ROBO3: variants seen among roughly 807,000 people sequenced by gnomAD.
The protein encoded by ROBO3 is roundabout homolog 3.
ROBO3 carries 97 observed loss-of-function variants against 160.5 expected under a neutral mutation model. The observed-to-expected ratio is 0.60, with a 90% CI of 0.51 to 0.72. ROBO3 has a LOEUF of 0.72. Ranked by LOEUF, ROBO3 falls within the 30% of genes least tolerant of loss-of-function variation. The pLI is 0.00. For missense variants in ROBO3, 1,858 were observed against 1,846.5 expected, an observed-to-expected ratio of 1.01 and a Z score of -0.11; for synonymous variants, 780 against 746.2, an observed-to-expected ratio of 1.05 and a Z score of -0.74.
At position 124,879,786 on chromosome 11, in the gene ROBO3, G is replaced by C. The variant is rs11219825; in HGVS notation, c.3797-1G>C. The C allele has an allele frequency of 1.9e-6, 3 of 1,613,624 alleles. No homozygotes were observed. Among genetic ancestry groups the C allele is most frequent in the East Asian group, 4.5e-5 (2 of 44,878 alleles). On this transcript the variant is annotated splice_acceptor_variant, in intron 25 of 27. Transcript: ENST00000397801. LOFTEE classifies it high-confidence loss of function. Reference sequence around the variant, plus strand: ...TCCGCTGAAAACAGCTCCCTCCCCAGACTTGCCCCCACCACCCTTGCCACC... The same window carrying C: ...TCCGCTGAAAACAGCTCCCTCCCCACACTTGCCCCCACCACCCTTGCCACC...
At position 124,878,165 on chromosome 11, in the gene ROBO3, C is replaced by T. The variant is rs1372873959; in HGVS notation, c.3181+34C>T. ...CCAACTCCTGAAACCCCGTTTAGCCCTGACCAGGGTATCCCCAAAGAGGAT... is the reference window on the plus strand; with the variant it reads ...CCAACTCCTGAAACCCCGTTTAGCCTTGACCAGGGTATCCCCAAAGAGGAT... On this transcript the variant is annotated intron_variant, in intron 21 of 27. Coordinates refer to ENST00000397801, the MANE Select transcript of ROBO3 (RefSeq NM_022370.4). The surrounding 1 kb of genome is among the most constrained non-coding windows in gnomAD (Gnocchi z 4.3). 6.3e-7 allele frequency: 1 copy of T among 1,580,682 alleles called. No homozygotes were observed. Among genetic ancestry groups the T allele is most frequent in the East Asian group, 2.3e-5 (1 of 44,108 alleles).
At position 124,865,436 on chromosome 11, in the gene ROBO3, C is replaced by A. The variant is rs1423035102; in HGVS notation, c.-142C>A. 6.4e-6 allele frequency: 5 copies of A among 782,230 alleles called. No homozygotes were observed. The highest frequency in any genetic ancestry group is 1.7e-5 in the African/African-American group (1 of 57,320). 48.5% of individuals were successfully genotyped at this position (782,230 alleles called of 1,614,324 possible). On this transcript the variant is annotated 5_prime_UTR_variant, in exon 1 of 28. Transcript: ENST00000397801. The surrounding 1 kb of genome is among the most constrained non-coding windows in gnomAD (Gnocchi z 5.5). ...GGGCACGAAGAGGCACCGACCGTAC[C>A]CAGGCGCACCGGCAGGAGAGCGGCA...
chr11:124,871,278 A>T (rs1946277510), intron 7 of ROBO3, 140 bp downstream of exon 7: 11 of 1,007,222 alleles, frequency 1.1e-5, no homozygotes, highest in Admixed American at 5.8e-5. Context: ...GTTATTTGAG[A>T]GGATTAAGTA....
Position 124,881,318 on chromosome 11 carries a change from C to T in ROBO3, c.*68C>T, listed in dbSNP as rs886047914. ...GGGGAGTAGGGATGTCTTTTCCCCC[C>T]CAGCAGTGATGAGTGGGGCTAGCTG... is the stretch of plus-strand genomic sequence containing the variant. On this transcript the variant is annotated 3_prime_UTR_variant, in exon 28 of 28. Transcript: ENST00000397801. The T allele has an allele frequency of 6.7e-7, 1 of 1,488,484 alleles. No individual in the cohort carries two copies. The highest frequency in any genetic ancestry group is 1.2e-5 in the South Asian group (1 of 83,258). The allele number at this position is 1,488,484 out of a possible 1,614,324, so 92.2% of individuals were successfully genotyped here.
rs762268224 is a variant in ROBO3, at chr11:124,877,293, T to A, written c.2830T>A (p.Ser944Thr). The A allele has an allele frequency of 1.2e-6, 2 of 1,613,870 alleles. No homozygotes were observed. Among genetic ancestry groups the A allele is most frequent in the South Asian group, 2.2e-5 (2 of 91,066 alleles). ...AVSFPHSEGL[S>T]GASSRPPMGL... is the part of the protein sequence containing the mutation. ...GTCCTTCCCGCACTCAGAGGGCCTC[T>A]CTGGAGCCAGTTCCAGGTAATTCTC... The change falls in exon 19 of 28, where the codon TCT (serine) becomes ACT (threonine). Residue 944 changes from serine (S) to threonine (T), a missense_variant. Ser to Thr is a moderately conservative substitution (Grantham distance 58). Transcript: ENST00000397801.
chr11:124,873,881 A>G lies in ROBO3; in HGVS notation c.1784+19A>G, dbSNP rs772437936. On this transcript the variant is annotated intron_variant, in intron 11 of 27. Coordinates refer to ENST00000397801, the MANE Select transcript of ROBO3 (RefSeq NM_022370.4). This position sits in a 1 kb window ranked among gnomAD's most constrained non-coding sequence, Gnocchi z 4.5. ...CCTTCAGGTATGGAGAAAGTTTTGA[A>G]TGCAAACCTGGAGAGTTAAAAGGAG... The G allele has an allele frequency of 6.2e-7, 1 of 1,611,668 alleles. No individual in the cohort carries two copies. Among genetic ancestry groups the G allele is most frequent in the East Asian group, 2.2e-5 (1 of 44,846 alleles).
Position 124,876,364 on chromosome 11 carries a change from G to T in ROBO3, c.2683G>T (p.Ala895Ser). 1 of 1,434,684 alleles carries T rather than the reference G, an allele frequency of 7.0e-7. No individual in the cohort carries two copies. The highest frequency in any genetic ancestry group is 9.1e-7 in the Non-Finnish European group (1 of 1,102,800). The allele number at this position is 1,434,684 out of a possible 1,614,324, so 88.9% of individuals were successfully genotyped here. A position where few individuals can be genotyped will look rare whatever the true frequency, so the allele number is the denominator to read the frequency against. The change falls in exon 17 of 28, where the codon GCG becomes TCG. Residue 895 changes from alanine (A) to serine (S), a missense_variant. By Grantham distance (99) the Ala-to-Ser change is moderately conservative. Coordinates refer to ENST00000397801, the MANE Select transcript of ROBO3 (RefSeq NM_022370.4). This position sits in a 1 kb window ranked among gnomAD's most constrained non-coding sequence, Gnocchi z 5.3. ...ARVLREPAFL[A>S]GSGAACGALL... ...GGTGCTGCGGGAGCCCGCCTTCCTC[G>T]CGGGCAGCGGCGCAGCCTGCGGGGC...
chr11:124,875,814 G>C (rs1413874795), intron 15 of ROBO3, 129 bp downstream of exon 15: 8 of 1,434,924 alleles, frequency 5.6e-6, no homozygotes, highest in Non-Finnish European at 7.7e-6. Context: ...GAGTTTAGGG[G>C]AGAAGAGAGA....
Position 124,872,358 on chromosome 11 carries a change from C to G in ROBO3, c.1159-23C>G. On this transcript the variant is annotated intron_variant, in intron 7 of 27. Transcript: ENST00000397801. The surrounding 1 kb of genome is among the most constrained non-coding windows in gnomAD (Gnocchi z 4.3). ...CCCAGCTGCCTGCTCATTCCCTACC[C>G]TGGTTCCTTGCTCTGTCCCCAGGTC... 1 of 1,613,516 alleles carries G rather than the reference C, an allele frequency of 6.2e-7. No individual in the cohort carries two copies. The highest frequency in any genetic ancestry group is 8.5e-7 in the Non-Finnish European group (1 of 1,179,476).
At chr11:124,874,263 A>G (rs765274610) in intron 12 of ROBO3, 27 bp downstream of exon 12, 11 of 1,594,722 alleles carry the variant, frequency 6.9e-6, no homozygotes, top group Middle Eastern at 1.7e-4. Context: ...TGGGCTCATG[A>G]GCATGAAATG....
At position 124,881,339 on chromosome 11, in the gene ROBO3, A is replaced by G; in HGVS notation, c.*89A>G. 7.7e-7 allele frequency: 1 copy of G among 1,294,366 alleles called. No homozygotes were observed. The highest frequency in any genetic ancestry group is 1.5e-5 in the African/African-American group (1 of 68,302). 80.2% of individuals were successfully genotyped at this position (1,294,366 alleles called of 1,614,324 possible). On this transcript the variant is annotated 3_prime_UTR_variant, in exon 28 of 28. Transcript: ENST00000397801. Reference sequence around the variant, plus strand: ...CCCCCCAGCAGTGATGAGTGGGGCTAGCTGAAGCCCATTGGTTTCCACGAT... The same window carrying G: ...CCCCCCAGCAGTGATGAGTGGGGCTGGCTGAAGCCCATTGGTTTCCACGAT...
chr11:124,880,749 G>GCCCC, intron 27 of ROBO3, 141 bp downstream of exon 27: 1 of 997,534 alleles, frequency 1.0e-6, no homozygotes, highest in Non-Finnish European at 1.4e-6. Context: ...GGGGAGGGAG[G>GCCCC]AATCCTGTAG....
chr11:124,878,860 C>CTGGG lies in ROBO3; in HGVS notation c.3533+72_3533+75dup, dbSNP rs1946478373. 7.5e-7 allele frequency: 1 copy of CTGGG among 1,325,260 alleles called. No individual in the cohort carries two copies. Among genetic ancestry groups the CTGGG allele is most frequent in the African/African-American group, 1.4e-5 (1 of 69,250 alleles). The allele number at this position is 1,325,260 out of a possible 1,614,324, so 82.1% of individuals were successfully genotyped here. On this transcript the variant is annotated intron_variant, in intron 23 of 27. Transcript: ENST00000397801. This position sits in a 1 kb window ranked among gnomAD's most constrained non-coding sequence, Gnocchi z 4.3. The stretch of plus-strand genomic sequence containing the variant: ...CTATACGTATCTACTCAGTAGATGA[C>CTGGG]TGGGTGGGTGGATGGATGGATGGGT...
intron 1 of ROBO3, among the ~76,000 whole-genome samples, chr11:124,867,935 G>A (rs370365524): frequency 1.3e-5 from 2 of 152,156 alleles, no homozygotes; most frequent in Admixed American, 6.5e-5. Flanking sequence ...TGAGAGTGCC[G>A]GAGTATAACA....
chr11:124,880,295 T>G, intron 26 of ROBO3, 123 bp from the exon 27 acceptor site: 11 of 1,468,130 alleles, frequency 7.5e-6, no homozygotes, highest in South Asian at 1.4e-5. Flanking sequence ...CCAGGCTGGC[T>G]GAGCCCTGTG....
Position 124,871,104 on chromosome 11 carries a change from C to A in ROBO3, c.1124C>A (p.Pro375Gln), listed in dbSNP as rs1417260501. ...AFQCETKGNP[P>Q]PAIFWQKEGS... is the part of the protein sequence containing the mutation. ...CAGTGCGAGACCAAAGGAAACCCCC[C>A]ACCTGCCATCTTCTGGCAGAAGGAG... The change falls in exon 7 of 28, where the codon CCA (proline) becomes CAA (glutamine). Residue 375 changes from proline to glutamine, a missense_variant. Pro to Gln is a moderately conservative substitution (Grantham distance 76). Transcript: ENST00000397801. The A allele has an allele frequency of 2.5e-6, 4 of 1,613,588 alleles. No homozygotes were observed. In the Admixed American group the frequency reaches 5.0e-5, roughly 20 times the overall value.
rs922071319 is a variant in ROBO3, at chr11:124,865,541, C to T, written c.-37C>T. On this transcript the variant is annotated 5_prime_UTR_variant, in exon 1 of 28. Transcript: ENST00000397801. The surrounding 1 kb of genome is among the most constrained non-coding windows in gnomAD (Gnocchi z 5.5). ...CGGGTCTCAGACCCAGGGGCTGGGC[C>T]CCCAGCCCCCAGTCCCGATCCCAGC... 1.3e-6 allele frequency: 2 copies of T among 1,598,834 alleles called. No individual in the cohort carries two copies. Among genetic ancestry groups the T allele is most frequent in the South Asian group, 1.1e-5 (1 of 89,470 alleles).
rs758786579 is a variant in ROBO3, at chr11:124,878,044, T to C, written c.3094T>C (p.Phe1032Leu). 3.7e-6 allele frequency: 6 copies of C among 1,612,594 alleles called. No homozygotes were observed. Among genetic ancestry groups the C allele is most frequent in the Admixed American group, 1.7e-5 (1 of 59,840 alleles). The stretch of plus-strand genomic sequence containing the variant: ...CCCAGCGGGGGAGGAGCTGCAGACC[T>C]TCCATGGGGGCTTCCCCCAACATCC... Reference protein sequence around the residue: ...IDPAGEELQTFHGGFPQHPSG... With the variant: ...IDPAGEELQTLHGGFPQHPSG... The change falls in exon 21 of 28, where the codon TTC (phenylalanine) becomes CTC (leucine). Residue 1032 changes from phenylalanine (F) to leucine (L), a missense_variant. Coordinates refer to ENST00000397801, the MANE Select transcript of ROBO3 (RefSeq NM_022370.4). This position sits in a 1 kb window ranked among gnomAD's most constrained non-coding sequence, Gnocchi z 4.3.
chr11:124,865,593 C>A lies in ROBO3; in HGVS notation c.16C>A (p.Leu6Met). The A allele has an allele frequency of 6.2e-7, 1 of 1,612,264 alleles. No individual in the cohort carries two copies. The highest frequency in any genetic ancestry group is 8.5e-7 in the Non-Finnish European group (1 of 1,179,758). MLRYL[L>M]KTLLQMNLFA... ...GGGTCGAGCCATGCTGCGCTACCTG[C>A]TGAAAACGCTGCTGCAGATGAACTT... Residue 6 changes from leucine to methionine, a missense_variant, in exon 1 of 28, where the codon CTG becomes ATG. Coordinates refer to ENST00000397801, the MANE Select transcript of ROBO3 (RefSeq NM_022370.4). The surrounding 1 kb of genome is among the most constrained non-coding windows in gnomAD (Gnocchi z 5.5).
Sources: allele counts gnomAD v4.1 joint callset (sites outside exome capture counted in the v4.1 genomes callset), GRCh38; gene constraint gnomAD v4.1.1; non-coding constraint Gnocchi (gnomAD v3.1); transcripts MANE v1.5; gene names NCBI Gene and HGNC (gene_info 2026-07-23, HGNC 2026-07-21).